Variants in PRKD1 observed in about 807,000 individuals in gnomAD.
PRKD1 encodes the protein serine/threonine-protein kinase D1.
Under a neutral mutation model 95.9 loss-of-function variants are expected in PRKD1, and 63 were observed. The observed-to-expected ratio is 0.66, with a 90% CI of 0.54 to 0.81. The LOEUF is 0.81. Among genes scored for constraint, PRKD1 ranks in the 30% least tolerant of loss-of-function variants. PRKD1 has a pLI of 0.00. For missense variants in PRKD1, 1,048 were observed against 1,165.3 expected (o/e 0.90, Z 1.47); for synonymous variants, 425 against 423.1 (o/e 1.00, Z -0.05).
At chr14:29,911,123 A>G (rs759067958) in intron 1 of PRKD1, among the ~76,000 whole-genome samples, 3 of 151,814 alleles carry the variant, frequency 2.0e-5, no homozygotes, top group Non-Finnish European at 2.9e-5. Flanking sequence ...AAAAACTTAA[A>G]CTTTGCAATA....
intron 1 of PRKD1, among the ~76,000 whole-genome samples, chr14:29,761,650 G>C (rs1337145995): frequency 6.6e-6 from 1 of 152,072 alleles, no homozygotes; most frequent in Non-Finnish European, 1.5e-5. Flanking sequence ...TTACTCAGTG[G>C]TCTAATAAGT....
chr14:29,838,363 C>T (rs967101262), intron 1 of PRKD1, among the ~76,000 whole-genome samples: 2 of 152,114 alleles, frequency 1.3e-5, no homozygotes, highest in African/African-American at 4.8e-5. Context: ...TTCTTAATAT[C>T]AAGCCATAAG....
chr14:29,661,137 C>G (rs1248866866), intron 4 of PRKD1, among the ~76,000 whole-genome samples: 1 of 152,114 alleles, frequency 6.6e-6, no homozygotes, highest in East Asian at 1.9e-4. Context: ...GATAAACAAA[C>G]AGAATTACCA....
chr14:29,654,573 A>G (rs1413295800), intron 4 of PRKD1, among the ~76,000 whole-genome samples: 2 of 152,190 alleles, frequency 1.3e-5, no homozygotes, highest in African/African-American at 4.8e-5. Context: ...TGGAAACAGG[A>G]GGACAGATTG....
intron 1 of PRKD1, among the ~76,000 whole-genome samples, chr14:29,822,607 G>A (rs916989660): frequency 6.6e-6 from 1 of 152,136 alleles, no homozygotes; most frequent in Non-Finnish European, 1.5e-5. Flanking sequence ...TCCTAAGGAA[G>A]AAAGCAATCA....
chr14:29,803,070 C>A (rs1470025338), intron 1 of PRKD1, among the ~76,000 whole-genome samples: 1 of 152,194 alleles, frequency 6.6e-6, no homozygotes, highest in African/African-American at 2.4e-5. Flanking sequence ...CAAGACTATC[C>A]TCTATATATC....
chr14:29,621,342 T>C (rs886515271), intron 13 of PRKD1, among the ~76,000 whole-genome samples: 3 of 151,796 alleles, frequency 2.0e-5, no homozygotes, highest in Admixed American at 6.6e-5. Context: ...TAAAGTATAA[T>C]AATAATAATA....
intron 1 of PRKD1, among the ~76,000 whole-genome samples, chr14:29,848,426 A>C (rs2139332229): frequency 6.6e-6 from 1 of 152,286 alleles, no homozygotes; most frequent in Admixed American, 6.5e-5. Flanking sequence ...CAGGCATTAA[A>C]GACTAAAACA....
chr14:29,675,652 T>G (rs1287500103), intron 2 of PRKD1, among the ~76,000 whole-genome samples: 6 of 152,138 alleles, frequency 3.9e-5, no homozygotes, highest in Non-Finnish European at 5.9e-5. Flanking sequence ...GGATTATAAA[T>G]CATGCTGCTG....
chr14:29,842,952 G>A (rs2139320587), intron 1 of PRKD1, among the ~76,000 whole-genome samples: 1 of 152,122 alleles, frequency 6.6e-6, no homozygotes. Flanking sequence ...AAAGTGAAAT[G>A]GTAAACAAAA....
chr14:29,718,353 G>C (rs1277174092), intron 2 of PRKD1, among the ~76,000 whole-genome samples: 1 of 151,962 alleles, frequency 6.6e-6, no homozygotes, highest in African/African-American at 2.4e-5. Context: ...TGTGAAGAAG[G>C]TCCTTGCTTC....
chr14:29,585,677 C>A (rs1892898272), intron 16 of PRKD1, among the ~76,000 whole-genome samples: 1 of 152,150 alleles, frequency 6.6e-6, no homozygotes, highest in Non-Finnish European at 1.5e-5. Context: ...TAGAGCATCA[C>A]AACCTTACAA....
intron 1 of PRKD1, among the ~76,000 whole-genome samples, chr14:29,924,589 A>G (rs1895233942): frequency 6.6e-6 from 1 of 152,210 alleles, no homozygotes; most frequent in African/African-American, 2.4e-5. Flanking sequence ...TTAAAACAAC[A>G]GATGTGGAAG....
chr14:29,775,323 G>A lies in PRKD1; in HGVS notation c.265-49649C>T, dbSNP rs868438667. On this transcript the variant is annotated intron_variant, in intron 1 of 17. Transcript: ENST00000331968. The stretch of plus-strand genomic sequence containing the variant: ...TGCAGGACAGTGGGTGCAGCCCACC[G>A]AATGAGAGTCGAAGCAGGGCGAGGC... 6.6e-5 allele frequency among the ~76,000 whole-genome samples: 10 copies of A among 152,160 alleles called. No homozygotes were observed. The East Asian group carries it at 1.2e-3, about 18-fold the overall frequency.
Position 29,917,769 on chromosome 14 carries a change from C to A in PRKD1, c.264+9480G>T, listed in dbSNP as rs533152377. On this transcript the variant is annotated intron_variant, in intron 1 of 17. Transcript: ENST00000331968. ...CAAGATACAATACTTCATACCTATA[C>A]CACAGTTCTTCCAATGCCTGGTTGA... Among the ~76,000 whole-genome samples, 65 of 152,128 alleles carry A rather than the reference C, an allele frequency of 4.3e-4. No homozygotes were observed. The South Asian group carries it at 0.013, about 31-fold the overall frequency.
rs369092904 is a variant in PRKD1 at position 29,614,952 on chromosome 14, T to C, written c.1905+9200A>G. On this transcript the variant is annotated intron_variant, in intron 13 of 17. Transcript: ENST00000331968. ...GTCTTGAACTACTGAGCTCAGGCAGTCTGCCCGCCTCGGCCTCCCAAAGTG... is the reference window on the plus strand; with the variant it reads ...GTCTTGAACTACTGAGCTCAGGCAGCCTGCCCGCCTCGGCCTCCCAAAGTG... 2.7e-5 allele frequency among the ~76,000 whole-genome samples: 4 copies of C among 150,392 alleles called. No individual in the cohort carries two copies. In the East Asian group the frequency reaches 7.8e-4, roughly 29 times the overall value.
At chr14:29,749,188 T>C (rs987405812) in intron 1 of PRKD1, among the ~76,000 whole-genome samples, 5 of 152,204 alleles carry the variant, frequency 3.3e-5, no homozygotes, top group African/African-American at 1.2e-4. Context: ...TTCATTCTGC[T>C]GTTATCTTAG....
chr14:29,640,054 T>C lies in PRKD1; in HGVS notation c.697-1150A>G, dbSNP rs45455495. Reference sequence around the variant, plus strand: ...TACTTTTGAACCGTTGTTATAATTATGTATCTCATTTATATATCTTAGTTA... The same window carrying C: ...TACTTTTGAACCGTTGTTATAATTACGTATCTCATTTATATATCTTAGTTA... On this transcript the variant is annotated intron_variant, in intron 4 of 17. Transcript: ENST00000331968. 1.4e-3 allele frequency among the ~76,000 whole-genome samples: 220 copies of C among 152,352 alleles called. 1 individual carries two copies. Among genetic ancestry groups the C allele is most frequent in the African/African-American group, 5.1e-3 (212 of 41,592 alleles).
chr14:29,881,551 T>C (rs900841291), intron 1 of PRKD1, among the ~76,000 whole-genome samples: 2 of 152,200 alleles, frequency 1.3e-5, no homozygotes, highest in Non-Finnish European at 2.9e-5. Context: ...TTCTCCATTT[T>C]GCTTTTTATT....
Sources: gnomAD v4.1 joint callset for allele counts (sites outside exome capture counted in the v4.1 genomes callset) on GRCh38, gnomAD v4.1.1 for gene constraint, MANE v1.5 for transcripts, NCBI Gene and HGNC (gene_info 2026-07-23, HGNC 2026-07-21) for gene names.